The following HTR1F variants were observed in gnomAD, a reference collection of about 807,000 sequenced individuals.
HTR1F encodes the protein 5-hydroxytryptamine receptor 1F.
HTR1F carries 17 observed loss-of-function variants against 24.0 expected under a neutral mutation model. The observed-to-expected ratio is 0.71, with a 90% confidence interval of 0.48 to 1.06. HTR1F has a LOEUF of 1.06. Among genes scored for constraint, HTR1F ranks in the 50% least tolerant of loss-of-function variants. HTR1F has a pLI of 0.00. For synonymous variants in HTR1F, 186 were observed against 156.8 expected, an observed-to-expected ratio of 1.19 and a Z score of -1.39; for missense variants, 391 against 427.8, an observed-to-expected ratio of 0.91 and a Z score of 0.76.
chr3:87,903,654 G>A (rs1408759211), intron 2 of HTR1F, among the ~76,000 whole-genome samples: 8 of 151,690 alleles, frequency 5.3e-5, no homozygotes, highest in Non-Finnish European at 1.2e-4. Flanking sequence ...TGGAGAAATA[G>A]GAACACTTTT....
chr3:87,912,266 T>C (rs1253275511), intron 2 of HTR1F, among the ~76,000 whole-genome samples: 1 of 151,594 alleles, frequency 6.6e-6, no homozygotes, highest in East Asian at 1.9e-4. Flanking sequence ...AGTATTGTTA[T>C]AAACCAACGA....
intron 1 of HTR1F, among the ~76,000 whole-genome samples, chr3:87,809,731 G>A (rs181817771): frequency 7.8e-4 from 119 of 151,958 alleles, no homozygotes; most frequent in African/African-American, 2.7e-3. Flanking sequence ...ATGCTTATTT[G>A]TATGTTATGG....
chr3:87,891,312 C>T (rs1295475684), intron 2 of HTR1F, among the ~76,000 whole-genome samples: 19 of 151,516 alleles, frequency 1.3e-4, no homozygotes, highest in Admixed American at 2.6e-4. Flanking sequence ...AAAAAAAATG[C>T]CATTCTCCAT....
At chr3:87,901,034 C>T (rs1559624126) in intron 2 of HTR1F, among the ~76,000 whole-genome samples, 2 of 152,132 alleles carry the variant, frequency 1.3e-5, no homozygotes, top group Admixed American at 1.3e-4. Flanking sequence ...AGGATAGACA[C>T]TCCACCAGAA....
chr3:87,972,073 A>G (rs1280128124), intron 2 of HTR1F, among the ~76,000 whole-genome samples: 2 of 152,170 alleles, frequency 1.3e-5, no homozygotes, highest in African/African-American at 2.4e-5. Flanking sequence ...TCATTCGTTC[A>G]TTCATTTATT....
chr3:87,872,933 AT>A (rs1390223130), intron 2 of HTR1F, among the ~76,000 whole-genome samples: 1 of 152,078 alleles, frequency 6.6e-6, no homozygotes, highest in African/African-American at 2.4e-5. Context: ...TTTGAAACTT[AT>A]TTTATGAGGC....
chr3:87,800,965 G>A (rs1428369493), intron 1 of HTR1F, among the ~76,000 whole-genome samples: 3 of 152,184 alleles, frequency 2.0e-5, no homozygotes, highest in Admixed American at 2.0e-4. Context: ...ATCAAGAAAA[G>A]TATATAGTCT....
At chr3:87,911,050 C>G (rs1448526835) in intron 2 of HTR1F, among the ~76,000 whole-genome samples, 1 of 151,878 alleles carries the variant, frequency 6.6e-6, no homozygotes, top group Non-Finnish European at 1.5e-5. Context: ...AACCTAAGAT[C>G]ACGACTAAAA....
At position 87,900,428 on chromosome 3, in the gene HTR1F, A is replaced by G. The variant is rs190465886; in HGVS notation, c.-43+78304A>G. Among the ~76,000 whole-genome samples, 158 of 152,326 alleles carry G rather than the reference A, an allele frequency of 1.0e-3. 1 individual carries two copies. In the South Asian group the frequency reaches 0.025, roughly 25 times the overall value. The stretch of plus-strand genomic sequence containing the variant: ...TAACTCAGACAAGTTTGGGGAAATC[A>G]GGTACTGGAGAAACCTTTAATTTAA... On this transcript the variant is annotated intron_variant, in intron 2 of 2. Transcript: ENST00000319595.
chr3:87,828,422 AG>A (rs1430758786), intron 2 of HTR1F, among the ~76,000 whole-genome samples: 1 of 152,248 alleles, frequency 6.6e-6, no homozygotes, highest in African/African-American at 2.4e-5. Context: ...CCACAACAAC[AG>A]GGAATGGAAA....
Position 87,848,669 on chromosome 3 carries a change from C to A in HTR1F, c.-43+26545C>A, listed in dbSNP as rs146277400. Among the ~76,000 whole-genome samples, 639 of 151,818 alleles carry A rather than the reference C, an allele frequency of 4.2e-3. 6 individuals are homozygous for A. The highest frequency in any genetic ancestry group is 7.1e-3 in the Non-Finnish European group (483 of 68,002). ...TTAGGAAAAGAGGAAGTCAAATTGT[C>A]CCTGTTTGCAGATGACATGATTGTG... On this transcript the variant is annotated intron_variant, in intron 2 of 2. Transcript: ENST00000319595.
At chr3:87,805,939 A>G (rs1370418258) in intron 1 of HTR1F, among the ~76,000 whole-genome samples, 2 of 151,926 alleles carry the variant, frequency 1.3e-5, no homozygotes, top group Non-Finnish European at 2.9e-5. Flanking sequence ...TTTTTGCCCC[A>G]TTTACATGCA....
rs1007988233 is a variant in HTR1F at position 87,799,294 on chromosome 3, G to A, written c.-160+6452G>A. Among the ~76,000 whole-genome samples, 15 of 152,014 alleles carry A rather than the reference G, an allele frequency of 9.9e-5. No individual in the cohort carries two copies. In the South Asian group the frequency reaches 1.2e-3, roughly 13 times the overall value. On this transcript the variant is annotated intron_variant, in intron 1 of 2. Coordinates refer to ENST00000319595, the MANE Select transcript of HTR1F (RefSeq NM_001322209.2). The stretch of plus-strand genomic sequence containing the variant: ...AGTCCCCTTTTGGTATATCCAAGTC[G>A]TTATACATACTGCCTTCATGATTTT...
intron 2 of HTR1F, among the ~76,000 whole-genome samples, chr3:87,952,658 C>T (rs1344719504): frequency 3.3e-5 from 5 of 151,994 alleles, no homozygotes; most frequent in South Asian, 4.1e-4. Context: ...AATTTACACG[C>T]GTAATTTCTG....
At chr3:87,848,078 T>C (rs1704987253) in intron 2 of HTR1F, among the ~76,000 whole-genome samples, 1 of 151,904 alleles carries the variant, frequency 6.6e-6, no homozygotes, top group African/African-American at 2.4e-5. Context: ...TTTTAGTTTT[T>C]TGAGAAATCT....
chr3:87,961,324 G>A (rs527414781), intron 2 of HTR1F, among the ~76,000 whole-genome samples: 1 of 152,212 alleles, frequency 6.6e-6, no homozygotes, highest in Admixed American at 6.5e-5. Context: ...GTCATTGGAA[G>A]AGACCCCATT....
Position 87,991,944 on chromosome 3 carries a change from G to C in HTR1F, c.*94G>C. 9.5e-7 allele frequency: 1 copy of C among 1,052,946 alleles called. No homozygotes were observed. The highest frequency in any genetic ancestry group is 1.4e-6 in the Non-Finnish European group (1 of 734,688). 65.2% of individuals were successfully genotyped at this position (1,052,946 alleles called of 1,614,324 possible). On this transcript the variant is annotated 3_prime_UTR_variant, in exon 3 of 3. Transcript: ENST00000319595. ...AATAAAACACTTAAGCTTTTAGAGGGAAATACATGAAAACTGCTAAATTGA... is the reference window on the plus strand; with the variant it reads ...AATAAAACACTTAAGCTTTTAGAGGCAAATACATGAAAACTGCTAAATTGA...
chr3:87,968,910 C>T (rs932058474), intron 2 of HTR1F, among the ~76,000 whole-genome samples: 10 of 152,200 alleles, frequency 6.6e-5, no homozygotes, highest in South Asian at 2.1e-4. Flanking sequence ...ACTTGGTACT[C>T]GGCATCCCAG....
chr3:87,969,282 C>A (rs559957043), intron 2 of HTR1F, among the ~76,000 whole-genome samples: 3 of 152,196 alleles, frequency 2.0e-5, no homozygotes, highest in Non-Finnish European at 4.4e-5. Flanking sequence ...TGACAGCTTG[C>A]GCCTGTGTGC....
Sources: gnomAD v4.1 joint callset for allele counts (sites outside exome capture counted in the v4.1 genomes callset) on GRCh38, gnomAD v4.1.1 for gene constraint, MANE v1.5 for transcripts, NCBI Gene and HGNC (gene_info 2026-07-23, HGNC 2026-07-21) for gene names.